CCSER1: variants seen among roughly 807,000 people sequenced by gnomAD.
CCSER1 encodes the protein coiled-coil serine rich protein 1, also known as serine-rich coiled-coil domain-containing protein 1.
CCSER1 carries 41 observed loss-of-function variants against 82.0 expected under a neutral mutation model. The observed-to-expected ratio is 0.50, with a 90% confidence interval of 0.39 to 0.65. CCSER1 has a LOEUF of 0.65. CCSER1 is among the 30% of genes least tolerant of loss of function. The pLI is 0.00. For synonymous variants in CCSER1, 414 were observed against 383.9 expected, an observed-to-expected ratio of 1.08 and a Z score of -0.92; for missense variants, 1,119 against 1,064.2, an observed-to-expected ratio of 1.05 and a Z score of -0.72.
At chr4:90,788,471 A>C (rs2149647517) in intron 7 of CCSER1, among the ~76,000 whole-genome samples, 1 of 152,266 alleles carries the variant, frequency 6.6e-6, no homozygotes, top group East Asian at 1.9e-4. Flanking sequence ...GGAAGGATCT[A>C]TTCTGGACCT....
intron 5 of CCSER1, among the ~76,000 whole-genome samples, chr4:90,475,906 G>A (rs1443840767): frequency 6.6e-6 from 1 of 152,094 alleles, no homozygotes; most frequent in Non-Finnish European, 1.5e-5. Flanking sequence ...TTTCACCCTG[G>A]TAGCAGGAAT....
chr4:91,522,494 C>T (rs1207002622), intron 10 of CCSER1, among the ~76,000 whole-genome samples: 8 of 152,120 alleles, frequency 5.3e-5, no homozygotes, highest in Admixed American at 5.2e-4. Context: ...ATTGATTCTT[C>T]CTATCCATGA....
chr4:90,642,874 C>T (rs1177315023), intron 6 of CCSER1, among the ~76,000 whole-genome samples: 2 of 144,498 alleles, frequency 1.4e-5, no homozygotes, highest in Admixed American at 7.0e-5. Flanking sequence ...TACATACATA[C>T]ATACATGCAT....
intron 10 of CCSER1, among the ~76,000 whole-genome samples, chr4:91,205,885 A>T (rs182913726): frequency 6.6e-6 from 1 of 152,024 alleles, no homozygotes; most frequent in East Asian, 1.9e-4. Flanking sequence ...CGCTGTGAAA[A>T]GTACTGAGAA....
At chr4:91,560,394 A>C (rs1024736075) in intron 10 of CCSER1, among the ~76,000 whole-genome samples, 6 of 151,554 alleles carry the variant, frequency 4.0e-5, no homozygotes, top group Non-Finnish European at 7.4e-5. Flanking sequence ...ATAGTGGGTG[A>C]TTAGTAATTA....
chr4:90,883,180 A>G (rs572828741), intron 8 of CCSER1, among the ~76,000 whole-genome samples: 1 of 152,104 alleles, frequency 6.6e-6, no homozygotes, highest in South Asian at 2.1e-4. Flanking sequence ...TTTAGTCAAT[A>G]ATAAAGTTTG....
chr4:90,590,909 A>G (rs922482397), intron 5 of CCSER1, among the ~76,000 whole-genome samples: 10 of 152,164 alleles, frequency 6.6e-5, no homozygotes, highest in African/African-American at 2.4e-4. Flanking sequence ...TTTTCATGAT[A>G]TTGGTTCTTC....
At chr4:90,686,543 T>A (rs139980758) in intron 6 of CCSER1, among the ~76,000 whole-genome samples, 2,460 of 152,108 alleles carry the variant, frequency 0.016, 69 homozygotes, top group African/African-American at 0.057. Flanking sequence ...TTTAAAGCAA[T>A]TTAGATTATA....
chr4:90,638,510 G>A (rs1438690287), intron 6 of CCSER1, among the ~76,000 whole-genome samples: 1 of 151,958 alleles, frequency 6.6e-6, no homozygotes, highest in Non-Finnish European at 1.5e-5. Flanking sequence ...GAATAACATA[G>A]GTTAAAAAAA....
At chr4:91,253,597 A>C (rs1740435212) in intron 10 of CCSER1, among the ~76,000 whole-genome samples, 1 of 152,228 alleles carries the variant, frequency 6.6e-6, no homozygotes, top group Non-Finnish European at 1.5e-5. Context: ...GGTGGCTGCT[A>C]TACTAATATT....
chr4:90,770,915 G>A (rs1234970872), intron 7 of CCSER1, among the ~76,000 whole-genome samples: 1 of 152,066 alleles, frequency 6.6e-6, no homozygotes, highest in Admixed American at 6.6e-5. Context: ...TAACAATAAT[G>A]CAAAGGAAAT....
At chr4:91,051,981 G>A (rs549165447) in intron 9 of CCSER1, among the ~76,000 whole-genome samples, 10 of 151,958 alleles carry the variant, frequency 6.6e-5, no homozygotes, top group Admixed American at 3.9e-4. Context: ...TAAGCTCAAA[G>A]GAAAAGACAT....
chr4:91,523,969 A>C (rs1039438228), intron 10 of CCSER1, among the ~76,000 whole-genome samples: 3 of 152,156 alleles, frequency 2.0e-5, no homozygotes, highest in African/African-American at 7.2e-5. Flanking sequence ...ACCTATATAA[A>C]GTCACTGCCA....
At chr4:91,190,357 T>C (rs1441290859) in intron 10 of CCSER1, among the ~76,000 whole-genome samples, 2 of 152,180 alleles carry the variant, frequency 1.3e-5, no homozygotes, top group Non-Finnish European at 2.9e-5. Context: ...TTCTCAGCAA[T>C]CTCTTTCAAA....
intron 1 of CCSER1, among the ~76,000 whole-genome samples, chr4:90,245,442 C>T (rs1322449405): frequency 2.0e-5 from 3 of 152,026 alleles, no homozygotes; most frequent in Non-Finnish European, 4.4e-5. Flanking sequence ...TTTAGGCTTC[C>T]TTCTTATAAG....
intron 10 of CCSER1, among the ~76,000 whole-genome samples, chr4:91,426,169 A>C (rs972949878): frequency 3.3e-5 from 5 of 152,186 alleles, no homozygotes; most frequent in African/African-American, 1.2e-4. Context: ...TAGTTTGCTG[A>C]GAATGATGGT....
At chr4:90,717,166 G>A (rs761569269) in intron 6 of CCSER1, among the ~76,000 whole-genome samples, 42 of 152,154 alleles carry the variant, frequency 2.8e-4, no homozygotes, top group Non-Finnish European at 4.7e-4. Context: ...TGACTGGCAG[G>A]AAATGTTGAT....
At chr4:90,424,944 T>A (rs1757322911) in intron 4 of CCSER1, among the ~76,000 whole-genome samples, 2 of 152,342 alleles carry the variant, frequency 1.3e-5, no homozygotes, top group South Asian at 2.1e-4. Context: ...TTTTAACGGA[T>A]TCTACTTTTT....
intron 8 of CCSER1, among the ~76,000 whole-genome samples, chr4:90,918,629 T>A (rs952080364): frequency 7.1e-6 from 1 of 140,574 alleles, no homozygotes; most frequent in Admixed American, 7.8e-5. Context: ...TTCATGCTCA[T>A]TCAAGAGAGA....
Sources: allele counts gnomAD v4.1 joint callset (sites outside exome capture counted in the v4.1 genomes callset), GRCh38; gene constraint gnomAD v4.1.1; transcripts MANE v1.5; gene names NCBI Gene and HGNC (gene_info 2026-07-23, HGNC 2026-07-21).